ITGAE: variants seen among roughly 807,000 people sequenced by gnomAD.
The protein encoded by ITGAE is integrin subunit alpha E, also known as integrin alpha-E.
Under a neutral mutation model 136.5 loss-of-function variants are expected in ITGAE, and 99 were observed. The observed-to-expected ratio is 0.73, with a 90% CI of 0.62 to 0.86. ITGAE has a LOEUF of 0.86. ITGAE is among the 40% of genes least tolerant of loss of function. ITGAE has a pLI of 0.00. For synonymous variants in ITGAE, 613 were observed against 591.8 expected (o/e 1.04, Z -0.52); for missense variants, 1,447 against 1,515.3 (o/e 0.95, Z 0.75).
chr17:3,718,722 G>C (rs888178365), intron 29 of ITGAE, among the ~76,000 whole-genome samples: 2 of 152,214 alleles, frequency 1.3e-5, no homozygotes, highest in African/African-American at 4.8e-5. Flanking sequence ...AATTTAAAAT[G>C]TGCACATAAG....
intron 18 of ITGAE, 33 bp from the exon 19 acceptor site, chr17:3,743,650 T>G (rs1210225237): frequency 2.5e-6 from 4 of 1,590,334 alleles, no homozygotes; most frequent in Non-Finnish European, 3.4e-6. Context: ...AGGGTTAGAG[T>G]TGGATGTGGG....
At chr17:3,772,611 G>A (rs946489237) in intron 2 of ITGAE, among the ~76,000 whole-genome samples, 6 of 151,952 alleles carry the variant, frequency 3.9e-5, no homozygotes, top group Non-Finnish European at 7.4e-5. Flanking sequence ...CTACAGGTGC[G>A]CGCCACCACG....
chr17:3,785,003 T>G (rs2052750686), intron 1 of ITGAE, among the ~76,000 whole-genome samples: 1 of 151,922 alleles, frequency 6.6e-6, no homozygotes, highest in Non-Finnish European at 1.5e-5. Flanking sequence ...ATACAAAAAA[T>G]TAGCCAGGAA....
chr17:3,787,727 G>A (rs2052834043), intron 1 of ITGAE, among the ~76,000 whole-genome samples: 1 of 148,632 alleles, frequency 6.7e-6, no homozygotes. Flanking sequence ...TTGCTCCGTC[G>A]CCCAGGCTGG....
intron 2 of ITGAE, among the ~76,000 whole-genome samples, 155 bp from the exon 3 acceptor site, chr17:3,764,115 A>G (rs2052237882): frequency 6.6e-6 from 1 of 152,112 alleles, no homozygotes. Flanking sequence ...TGGGGAAGAC[A>G]TTTGCCCAAC....
chr17:3,774,786 A>G (rs1383623761), intron 2 of ITGAE, among the ~76,000 whole-genome samples: 1 of 152,106 alleles, frequency 6.6e-6, no homozygotes, highest in Non-Finnish European at 1.5e-5. Flanking sequence ...TAATAGGTAA[A>G]GAAATAAATA....
chr17:3,792,859 G>A (rs963725528), intron 1 of ITGAE, among the ~76,000 whole-genome samples: 24 of 152,274 alleles, frequency 1.6e-4, no homozygotes, highest in African/African-American at 5.5e-4. Context: ...CAACCAGTCT[G>A]GTTATTCAAA....
intron 26 of ITGAE, chr17:3,725,134 CA>C (rs2051177003): frequency 6.2e-7 from 1 of 1,614,062 alleles, no homozygotes; most frequent in African/African-American, 1.3e-5. Context: ...ACTGATGTGT[CA>C]GAGGTCTGCA....
intron 2 of ITGAE, among the ~76,000 whole-genome samples, chr17:3,764,833 T>G (rs2052256093): frequency 6.6e-6 from 1 of 152,192 alleles, no homozygotes; most frequent in African/African-American, 2.4e-5. Context: ...AGACGGCAGA[T>G]TCCAGGGACA....
Position 3,755,109 on chromosome 17 carries a change from G to GC in ITGAE, c.1384+7dup, listed in dbSNP as rs1425855224. ...GGCCCCGCCCTCATCAGGTGGCCCC[G>GC]CCCTCACCCAGGTAGCTGTACTGCG... is the stretch of plus-strand genomic sequence containing the variant. On this transcript the variant is annotated splice_region_variant and intron_variant, in intron 12 of 30. Coordinates refer to ENST00000263087, the MANE Select transcript of ITGAE (RefSeq NM_002208.5). 1 of 1,500,798 alleles carries GC rather than the reference G, an allele frequency of 6.7e-7. No homozygotes were observed. The allele number at this position is 1,500,798 out of a possible 1,614,324, so 93.0% of individuals were successfully genotyped here. A position where few individuals can be genotyped will look rare whatever the true frequency, so the allele number is the denominator to read the frequency against.
At chr17:3,797,521 T>A (rs1441058922) in intron 1 of ITGAE, among the ~76,000 whole-genome samples, 2 of 141,108 alleles carry the variant, frequency 1.4e-5, no homozygotes. Context: ...AGTGCAGTGG[T>A]GTGATCTCAG....
chr17:3,739,516 A>G (rs1015035170), intron 20 of ITGAE, among the ~76,000 whole-genome samples: 5 of 152,204 alleles, frequency 3.3e-5, no homozygotes, highest in Non-Finnish European at 7.3e-5. Context: ...GGTTCTGAAT[A>G]TAGCATTGTC....
chr17:3,750,370 C>T lies in ITGAE; in HGVS notation c.2006G>A (p.Gly669Asp), dbSNP rs1465178709. 1 of 1,613,964 alleles carries T rather than the reference C, an allele frequency of 6.2e-7. No individual in the cohort carries two copies. The highest frequency in any genetic ancestry group is 1.3e-5 in the African/African-American group (1 of 74,928). ...GLADITVGTLGQAVVFRSRPV... is the reference protein window; with the variant it reads ...GLADITVGTLDQAVVFRSRPV... ...ACCCTACCGGAACACAACCGCCTGG[C>T]CCAGAGTGCCCACGGTGATGTCGGC... The change falls in exon 16 of 31, where the codon GGC (glycine) becomes GAC (aspartate). Residue 669 changes from glycine (G) to aspartate (D), a missense_variant. Gly to Asp is a moderately conservative substitution (Grantham distance 94). Coordinates refer to ENST00000263087, the MANE Select transcript of ITGAE (RefSeq NM_002208.5).
chr17:3,762,495 C>T (rs1282186864), intron 3 of ITGAE, among the ~76,000 whole-genome samples: 1 of 151,854 alleles, frequency 6.6e-6, no homozygotes. Context: ...CTGTCAGCCT[C>T]AGGATACTGT....
At chr17:3,745,512 TTG>T (rs1002384339) in intron 18 of ITGAE, among the ~76,000 whole-genome samples, 1 of 152,132 alleles carries the variant, frequency 6.6e-6, no homozygotes, top group African/African-American at 2.4e-5. Context: ...CGGCTAATTT[TTG>T]TGTTTTTAGT....
chr17:3,753,154 G>A (rs560389321), intron 14 of ITGAE, 136 bp downstream of exon 14: 14 of 906,340 alleles, frequency 1.5e-5, no homozygotes, highest in Admixed American at 1.1e-4. Flanking sequence ...CCGCCCAGCC[G>A]CCATCCAGCC....
chr17:3,756,550 C>T (rs1052451932), intron 10 of ITGAE, among the ~76,000 whole-genome samples: 1 of 151,972 alleles, frequency 6.6e-6, no homozygotes, highest in Admixed American at 6.6e-5. Flanking sequence ...CACAGGCATG[C>T]ACCACCACGC....
rs754579637 is a variant in ITGAE, at chr17:3,761,916, A to T, written c.314T>A (p.Leu105Ter). The T allele has an allele frequency of 1.2e-6, 2 of 1,613,738 alleles. No homozygotes were observed. Among genetic ancestry groups the T allele is most frequent in the Non-Finnish European group, 1.7e-6 (2 of 1,179,772 alleles). ...CCCTCCTCTCGCTCCTGCACTCACC[A>T]AAACACCGTGGTGGCTCCGGACAAC... ...VTVVRSHHGVLICIQVLVRRP... is the reference protein window; with the variant it reads ...VTVVRSHHGV Residue 105 changes from leucine to a stop codon, truncating the protein, a stop_gained and splice_region_variant, in exon 4 of 31, where the codon TTG (leucine) becomes TAG (stop). Transcript: ENST00000263087. LOFTEE classifies it high-confidence loss of function.
intron 1 of ITGAE, among the ~76,000 whole-genome samples, chr17:3,795,930 C>CGT (rs10643973): frequency 0.096 from 10,861 of 112,810 alleles, 823 homozygotes; most frequent in African/African-American, 0.23. Flanking sequence ...TGTGTGCATC[C>CGT]GTGTGTGTGC....
Sources: gnomAD v4.1 joint callset for allele counts (sites outside exome capture counted in the v4.1 genomes callset) on GRCh38, gnomAD v4.1.1 for gene constraint, MANE v1.5 for transcripts, NCBI Gene and HGNC (gene_info 2026-07-23, HGNC 2026-07-21) for gene names.